SEZ6L: variants seen among roughly 807,000 people sequenced by gnomAD.
The protein encoded by SEZ6L is seizure related 6 homolog like.
A neutral mutation model predicts 106.2 loss-of-function variants in SEZ6L; 37 were observed. The observed-to-expected ratio is 0.35, with a 90% CI of 0.27 to 0.46. SEZ6L has a LOEUF of 0.46. Ranked by LOEUF, SEZ6L falls within the 20% of genes least tolerant of loss-of-function variation. The pLI is 1.00. For synonymous variants in SEZ6L, 541 were observed against 570.4 expected (o/e 0.95, Z 0.73); for missense variants, 1,172 against 1,332.8 (o/e 0.88, Z 1.88).
intron 12 of SEZ6L, among the ~76,000 whole-genome samples, chr22:26,362,230 C>T (rs2083659058): frequency 6.6e-6 from 1 of 152,176 alleles, no homozygotes; most frequent in African/African-American, 2.4e-5. Context: ...TGATTCTGGG[C>T]TCAAACACAG....
intron 1 of SEZ6L, among the ~76,000 whole-genome samples, chr22:26,207,327 A>G (rs1278955222): frequency 6.6e-6 from 1 of 152,204 alleles, no homozygotes; most frequent in Non-Finnish European, 1.5e-5. Flanking sequence ...GAGACCTCAT[A>G]TATTGGCTTT....
At chr22:26,345,963 G>T (rs2146001563) in intron 10 of SEZ6L, among the ~76,000 whole-genome samples, 1 of 152,138 alleles carries the variant, frequency 6.6e-6, no homozygotes, top group African/African-American at 2.4e-5. Context: ...TTTCACTAAT[G>T]ATATGCAATT....
chr22:26,344,504 G>A (rs1055440706), intron 10 of SEZ6L, among the ~76,000 whole-genome samples: 2 of 152,200 alleles, frequency 1.3e-5, no homozygotes, highest in Non-Finnish European at 2.9e-5. Context: ...GGACTGGGAG[G>A]TTTCCTCTTG....
rs766389597 is a variant in SEZ6L at position 26,306,092 on chromosome 22, G to T, written c.1462G>T (p.Gly488Cys). Residue 488 changes from glycine (G) to cysteine (C), a missense_variant, in exon 6 of 17, where the codon GGC becomes TGC. By Grantham distance (159) the Gly-to-Cys change is radical (BLOSUM62 -3). Coordinates refer to ENST00000248933, the MANE Select transcript of SEZ6L (RefSeq NM_021115.5). Reference sequence around the variant, plus strand: ...CATCTGGACGATTGAAGCTCCAGAGGGCCAGAAGCTGCACCTGCACTTTGA... The same window carrying T: ...CATCTGGACGATTGAAGCTCCAGAGTGCCAGAAGCTGCACCTGCACTTTGA... Reference protein sequence around the residue: ...FCIWTIEAPEGQKLHLHFERL... With the variant: ...FCIWTIEAPECQKLHLHFERL... The T allele has an allele frequency of 1.2e-6, 2 of 1,614,114 alleles. No individual in the cohort carries two copies. The highest frequency in any genetic ancestry group is 3.3e-5 in the Admixed American group (2 of 60,014).
At chr22:26,260,568 T>C (rs547788568) in intron 1 of SEZ6L, among the ~76,000 whole-genome samples, 9 of 152,302 alleles carry the variant, frequency 5.9e-5, no homozygotes, top group African/African-American at 1.4e-4. Flanking sequence ...ATATTACATA[T>C]AGGCATAGAT....
intron 1 of SEZ6L, among the ~76,000 whole-genome samples, chr22:26,281,856 T>C (rs1365798071): frequency 6.6e-6 from 1 of 152,336 alleles, no homozygotes; most frequent in Admixed American, 6.5e-5. Context: ...TTCAACCTTT[T>C]GGATTCCACC....
intron 9 of SEZ6L, among the ~76,000 whole-genome samples, chr22:26,320,808 G>A (rs1427185515): frequency 1.3e-5 from 2 of 152,218 alleles, no homozygotes; most frequent in Non-Finnish European, 2.9e-5. Context: ...ACTTGCCAAT[G>A]TTTGGAGGCA....
rs970616656 is a variant in SEZ6L at position 26,302,363 on chromosome 22, T to C, written c.1348+3194T>C. On this transcript the variant is annotated intron_variant, in intron 5 of 16. Coordinates refer to ENST00000248933, the MANE Select transcript of SEZ6L (RefSeq NM_021115.5). ...TTGTAACGCACTGTCCCTGCACCAG[T>C]GGGCACAGCCTTGGCCATCTTCAGC... Among the ~76,000 whole-genome samples, 14 of 152,324 alleles carry C rather than the reference T, an allele frequency of 9.2e-5. No homozygotes were observed. In the East Asian group the frequency reaches 2.5e-3, roughly 27 times the overall value.
intron 1 of SEZ6L, among the ~76,000 whole-genome samples, chr22:26,171,581 C>T (rs753678988): frequency 2.0e-5 from 3 of 152,316 alleles, no homozygotes; most frequent in African/African-American, 4.8e-5. Flanking sequence ...GTTTCCTTCA[C>T]GGGCTGCAAA....
chr22:26,264,444 G>A (rs2145825029), intron 1 of SEZ6L, among the ~76,000 whole-genome samples: 1 of 152,298 alleles, frequency 6.6e-6, no homozygotes, highest in South Asian at 2.1e-4. Context: ...CAAGCTGTAT[G>A]ACTTCCAGAA....
intron 1 of SEZ6L, among the ~76,000 whole-genome samples, chr22:26,234,476 G>C (rs905063724): frequency 6.6e-6 from 1 of 152,168 alleles, no homozygotes; most frequent in Admixed American, 6.5e-5. Context: ...CTAATTTATA[G>C]CTCATTGGTT....
intron 1 of SEZ6L, among the ~76,000 whole-genome samples, chr22:26,210,862 A>T (rs1056389186): frequency 2.0e-5 from 3 of 152,218 alleles, no homozygotes; most frequent in African/African-American, 7.2e-5. Context: ...AAGACTTTGC[A>T]TGGCAATTCC....
At chr22:26,308,595 C>T (rs2018293) in intron 6 of SEZ6L, among the ~76,000 whole-genome samples, 30,762 of 151,980 alleles carry the variant, frequency 0.2, 3,475 homozygotes, top group African/African-American at 0.29. Flanking sequence ...GGAGACACTG[C>T]GCCCACCCTA....
At chr22:26,370,709 G>T (rs1308394045) in intron 13 of SEZ6L, among the ~76,000 whole-genome samples, 1 of 149,520 alleles carries the variant, frequency 6.7e-6, no homozygotes, top group Non-Finnish European at 1.5e-5. Flanking sequence ...AAAAAAAAAA[G>T]AAAAGAAAAA....
intron 5 of SEZ6L, 88 bp downstream of exon 5, chr22:26,299,257 G>A: frequency 1.7e-6 from 2 of 1,148,108 alleles, no homozygotes; most frequent in Non-Finnish European, 2.2e-6. Context: ...TGACCTCAGG[G>A]AATGGCTTTC....
intron 1 of SEZ6L, among the ~76,000 whole-genome samples, chr22:26,252,650 T>C (rs1328259028): frequency 6.6e-6 from 1 of 152,256 alleles, no homozygotes; most frequent in African/African-American, 2.4e-5. Flanking sequence ...TAGCTTCCAC[T>C]TATAAGTGAG....
At chr22:26,302,516 G>A (rs896993886) in intron 5 of SEZ6L, among the ~76,000 whole-genome samples, 2 of 152,208 alleles carry the variant, frequency 1.3e-5, no homozygotes, top group African/African-American at 4.8e-5. Context: ...TGGAACTAAT[G>A]AGACATAATT....
At chr22:26,268,480 C>T (rs1014561993) in intron 1 of SEZ6L, among the ~76,000 whole-genome samples, 2 of 152,164 alleles carry the variant, frequency 1.3e-5, no homozygotes, top group African/African-American at 4.8e-5. Flanking sequence ...TTTCTCCAGT[C>T]CAGCACACTC....
intron 11 of SEZ6L, 92 bp downstream of exon 11, chr22:26,348,005 T>G (rs2083067556): frequency 2.0e-6 from 2 of 1,010,698 alleles, no homozygotes; most frequent in Admixed American, 3.1e-5. Flanking sequence ...AGCTGTTTAA[T>G]GTAGAATCTG....
Sources: allele counts gnomAD v4.1 joint callset (sites outside exome capture counted in the v4.1 genomes callset), GRCh38; gene constraint gnomAD v4.1.1; transcripts MANE v1.5; gene names NCBI Gene and HGNC (gene_info 2026-07-23, HGNC 2026-07-21).